INSR: variants seen among roughly 807,000 people sequenced by gnomAD.
INSR encodes insulin receptor.
Under a neutral mutation model 142.6 loss-of-function variants are expected in INSR, and 67 were observed. The ratio of observed to expected loss-of-function variants is 0.47; its 90% CI spans 0.39 to 0.58. The LOEUF (loss-of-function observed/expected upper bound fraction) is 0.58, where lower values mean the gene tolerates loss of function less well. Among genes scored for constraint, INSR ranks in the 20% least tolerant of loss-of-function variants. The pLI is 0.00. For missense variants in INSR, 1,248 were observed against 1,833.2 expected, an observed-to-expected ratio of 0.68 and a Z score of 5.83; for synonymous variants, 756 against 743.1, an observed-to-expected ratio of 1.02 and a Z score of -0.28.
chr19:7,175,372 A>G (rs1018499761), intron 3 of INSR, among the ~76,000 whole-genome samples: 1 of 152,098 alleles, frequency 6.6e-6, no homozygotes, highest in African/African-American at 2.4e-5. Flanking sequence ...TAAGTCCATC[A>G]TGCTACGGCA....
In INSR at chr19:7,219,656, G is replaced by A. The variant is rs536469738; in HGVS notation, c.653-35019C>T. 1.3e-3 allele frequency among the ~76,000 whole-genome samples: 199 copies of A among 151,346 alleles called. 1 individual carries two copies. Among genetic ancestry groups the A allele is most frequent in the African/African-American group, 4.7e-3 (192 of 41,208 alleles). On this transcript the variant is annotated intron_variant, in intron 2 of 21. Transcript: ENST00000302850. ...AGGAAAAGAAAGGAAAGGAAGGAGG[G>A]AAGGAGGGAAGGAAGGGAAAGAAAG...
chr19:7,162,690 C>A (rs1189171235), intron 9 of INSR, among the ~76,000 whole-genome samples: 1 of 151,324 alleles, frequency 6.6e-6, no homozygotes, highest in East Asian at 2.0e-4. Flanking sequence ...CGTGGTGGCG[C>A]GTGCCTGTAA....
At chr19:7,142,295 C>G (rs983234093) in intron 12 of INSR, among the ~76,000 whole-genome samples, 1 of 143,212 alleles carries the variant, frequency 7.0e-6, no homozygotes, top group Non-Finnish European at 1.5e-5. Context: ...GAGGCTGAGG[C>G]AGGAGAATTG....
chr19:7,118,639 T>C lies in INSR; in HGVS notation c.3794+810A>G, dbSNP rs899591700. 2.0e-5 allele frequency among the ~76,000 whole-genome samples: 3 copies of C among 150,862 alleles called. No individual in the cohort carries two copies. The South Asian group carries it at 6.3e-4, about 31-fold the overall frequency. On this transcript the variant is annotated intron_variant, in intron 21 of 21. Coordinates refer to ENST00000302850, the MANE Select transcript of INSR (RefSeq NM_000208.4). ...CAGCTACCTGACAAAATTTTAAGTG[T>C]ATAAAGAATTAACAGGCGGCTGTAA...
rs772754214 is a variant in INSR at position 7,163,138 on chromosome 19, C to T, written c.1923G>A (p.Lys641=). Residue 641 remains lysine, a synonymous_variant, in exon 9 of 22, where the codon AAG becomes AAA. Transcript: ENST00000302850. Reference sequence around the variant, plus strand: ...CATTGGGGTCGGAGGGTGGTTTCCACTTCAGAATAATCTGGGATGATGAGT... The same window carrying T: ...CATTGGGGTCGGAGGGTGGTTTCCATTTCAGAATAATCTGGGATGATGAGT... ...VSNSSSQIIL[K]WKPPSDPNGN... is the part of the protein sequence containing the mutation. 3 of 1,613,874 alleles carry T rather than the reference C, an allele frequency of 1.9e-6. No homozygotes were observed. Among genetic ancestry groups the T allele is most frequent in the African/African-American group, 1.3e-5 (1 of 74,876 alleles).
Position 7,266,243 on chromosome 19 carries a change from G to A in INSR, c.652+1102C>T, listed in dbSNP as rs142643092. On this transcript the variant is annotated intron_variant, in intron 2 of 21. Transcript: ENST00000302850. ...GAGTGGCCGTTGGCACAACATTTCCGGAACACCATTTGTCAATCTGCACCA... is the reference window on the plus strand; with the variant it reads ...GAGTGGCCGTTGGCACAACATTTCCAGAACACCATTTGTCAATCTGCACCA... 8.9e-4 allele frequency among the ~76,000 whole-genome samples: 135 copies of A among 152,090 alleles called. 1 individual carries two copies. In the East Asian group the frequency reaches 0.019, roughly 22 times the overall value.
chr19:7,220,198 T>C (rs961932631), intron 2 of INSR, among the ~76,000 whole-genome samples: 1 of 152,234 alleles, frequency 6.6e-6, no homozygotes. Flanking sequence ...CCAGGAATGC[T>C]GAGTAGGCAA....
At chr19:7,269,394 C>T (rs1967848063) in intron 1 of INSR, among the ~76,000 whole-genome samples, 1 of 121,680 alleles carries the variant, frequency 8.2e-6, no homozygotes, top group African/African-American at 2.6e-5. Flanking sequence ...CACACACACA[C>T]ACACACACAC....
rs1972425611 is a variant in INSR at position 7,119,587 on chromosome 19, C to A, written c.3660-4G>T. On this transcript the variant is annotated splice_region_variant and splice_polypyrimidine_tract_variant and intron_variant, in intron 20 of 21. Transcript: ENST00000302850. The surrounding 1 kb of genome is among the most constrained non-coding windows in gnomAD (Gnocchi z 5.2). ...CCAAAGGACCACGCCAAAGGACCTG[C>A]CGATGACAGTTGATAGTAGTAACAA... 6.2e-7 allele frequency: 1 copy of A among 1,613,830 alleles called. No individual in the cohort carries two copies. Among genetic ancestry groups the A allele is most frequent in the Non-Finnish European group, 8.5e-7 (1 of 1,180,008 alleles).
In INSR at chr19:7,120,756, A is replaced by G. The variant is rs1269424340; in HGVS notation, c.3530-7T>C. 1 of 1,613,716 alleles carries G rather than the reference A, an allele frequency of 6.2e-7. No homozygotes were observed. The highest frequency in any genetic ancestry group is 1.1e-5 in the South Asian group (1 of 91,068). On this transcript the variant is annotated splice_polypyrimidine_tract_variant and splice_region_variant and intron_variant, in intron 19 of 21. Coordinates refer to ENST00000302850, the MANE Select transcript of INSR (RefSeq NM_000208.4). ...TCTCTGGTCATTCCAAAGTCTGACAACACAAAAGGTTCACACGCTCTTAAC... is the reference window on the plus strand; with the variant it reads ...TCTCTGGTCATTCCAAAGTCTGACAGCACAAAAGGTTCACACGCTCTTAAC...
At chr19:7,226,217 C>T (rs554323458) in intron 2 of INSR, among the ~76,000 whole-genome samples, 1 of 149,836 alleles carries the variant, frequency 6.7e-6, no homozygotes, top group East Asian at 2.0e-4. Context: ...ACCATCCTGG[C>T]CAACATGGTG....
intron 17 of INSR, among the ~76,000 whole-genome samples, chr19:7,124,663 TGG>T (rs1381044454): frequency 3.2e-5 from 4 of 126,566 alleles, no homozygotes; most frequent in African/African-American, 1.2e-4. Flanking sequence ...ATAAAGGTTT[TGG>T]AGTCTGTCTC....
intron 2 of INSR, among the ~76,000 whole-genome samples, chr19:7,251,024 C>G (rs1976711119): frequency 6.6e-6 from 1 of 152,074 alleles, no homozygotes; most frequent in African/African-American, 2.4e-5. Context: ...CCCCTCAGCA[C>G]TATTGACATT....
intron 2 of INSR, among the ~76,000 whole-genome samples, chr19:7,213,373 C>T (rs1975339614): frequency 6.7e-6 from 1 of 150,148 alleles, no homozygotes; most frequent in Admixed American, 6.6e-5. Context: ...ACAAAAAACC[C>T]TACAGGGCAC....
rs142569372 is a variant in INSR, at chr19:7,175,236, G to A, written c.975-505C>T. On this transcript the variant is annotated intron_variant, in intron 3 of 21. Coordinates refer to ENST00000302850, the MANE Select transcript of INSR (RefSeq NM_000208.4). ...TGTTAAAAATGTAGATTCTGGAGCC[G>A]GGCGTGGTGGCTCCTGCCTGTCATT... 3.5e-3 allele frequency among the ~76,000 whole-genome samples: 532 copies of A among 152,168 alleles called. 4 individuals are homozygous for A. Among genetic ancestry groups the A allele is most frequent in the African/African-American group, 0.012 (478 of 41,534 alleles).
At chr19:7,158,122 G>A (rs1170301214) in intron 9 of INSR, among the ~76,000 whole-genome samples, 2 of 150,724 alleles carry the variant, frequency 1.3e-5, no homozygotes, top group Non-Finnish European at 2.9e-5. Context: ...TTCAGGCACA[G>A]GTATCATTCC....
chr19:7,265,259 G>A (rs1418391329), intron 2 of INSR, among the ~76,000 whole-genome samples: 3 of 152,106 alleles, frequency 2.0e-5, no homozygotes, highest in African/African-American at 7.2e-5. Context: ...ACCGCTCTGT[G>A]GCATGGAGAG....
chr19:7,218,716 A>G (rs1458675675), intron 2 of INSR, among the ~76,000 whole-genome samples: 1 of 151,864 alleles, frequency 6.6e-6, no homozygotes, highest in Non-Finnish European at 1.5e-5. Context: ...AATTTTTTGT[A>G]TATTTTTTGT....
In INSR at chr19:7,192,289, AAAGAAAAGAAAAGAAAAG is replaced by A. The variant is rs1473351080; in HGVS notation, c.653-7670_653-7653del. On this transcript the variant is annotated intron_variant, in intron 2 of 21. Coordinates refer to ENST00000302850, the MANE Select transcript of INSR (RefSeq NM_000208.4). This position sits in a 1 kb window ranked among gnomAD's most constrained non-coding sequence, Gnocchi z 4.2. ...AAAGAAAAGAAAAGAAAAGAAAAGAAAAGAAAAGAAAAGAAAAGAAAAAAATCACAGGCAGCCCAGGCT... is the reference window on the plus strand; with the variant it reads ...AAAGAAAAGAAAAGAAAAGAAAAGAAAAAAAAATCACAGGCAGCCCAGGCT... 1.7e-3 allele frequency among the ~76,000 whole-genome samples: 254 copies of A among 150,344 alleles called. No individual in the cohort carries two copies. The highest frequency in any genetic ancestry group is 2.6e-3 in the Non-Finnish European group (176 of 67,684).
Sources: allele counts gnomAD v4.1 joint callset (sites outside exome capture counted in the v4.1 genomes callset), GRCh38; gene constraint gnomAD v4.1.1; non-coding constraint Gnocchi (gnomAD v3.1); transcripts MANE v1.5; gene names NCBI Gene and HGNC (gene_info 2026-07-23, HGNC 2026-07-21).